Variants in SNTG2 observed in about 807,000 individuals in gnomAD.
SNTG2 encodes the protein gamma-2-syntrophin.
SNTG2 carries 74 observed loss-of-function variants against 70.9 expected under a neutral mutation model. The ratio of observed to expected loss-of-function variants is 1.04; its 90% CI spans 0.86 to 1.27. The LOEUF (loss-of-function observed/expected upper bound fraction) is 1.27. Ranked by LOEUF, SNTG2 falls within the 50% of genes most tolerant of loss-of-function variation. The probability of loss-of-function intolerance (pLI) is 0.00; values close to 1 mark genes in which losing one functional copy is unlikely to be tolerated. For synonymous variants in SNTG2, 278 were observed against 273.8 expected (o/e 1.02, Z -0.15); for missense variants, 717 against 690.7 (o/e 1.04, Z -0.43).
intron 6 of SNTG2, among the ~76,000 whole-genome samples, chr2:1,144,592 G>A (rs1248329985): frequency 5.9e-5 from 9 of 152,138 alleles, no homozygotes; most frequent in East Asian, 1.9e-4. Context: ...ACACTTCTAC[G>A]TGGCTGGGGA....
At chr2:1,271,230 C>G (rs1679003366) in intron 14 of SNTG2, among the ~76,000 whole-genome samples, 1 of 152,144 alleles carries the variant, frequency 6.6e-6, no homozygotes, top group South Asian at 2.1e-4. Flanking sequence ...CCCTGCCTCC[C>G]AAGCTGAGGT....
chr2:1,209,934 ATGTGTGTGGCTATAG>A (rs1195959856), intron 9 of SNTG2, among the ~76,000 whole-genome samples: 1 of 152,082 alleles, frequency 6.6e-6, no homozygotes, highest in East Asian at 1.9e-4. Flanking sequence ...ATCTGTGTGA[ATGTGTGTGGCTATAG>A]TGTGTGTGGT....
chr2:1,239,917 A>C, intron 11 of SNTG2, 141 bp downstream of exon 11: 2 of 1,046,218 alleles, frequency 1.9e-6, no homozygotes, highest in Non-Finnish European at 2.8e-6. Flanking sequence ...AAACATTAGC[A>C]CATTTCAGAC....
chr2:978,362 T>C (rs1384068140), intron 1 of SNTG2, among the ~76,000 whole-genome samples: 3 of 152,212 alleles, frequency 2.0e-5, no homozygotes, highest in African/African-American at 7.2e-5. Context: ...AATTAGAAAT[T>C]ATTACTTTTC....
chr2:1,115,695 C>A (rs1666916153), intron 4 of SNTG2, among the ~76,000 whole-genome samples: 1 of 117,186 alleles, frequency 8.5e-6, no homozygotes, highest in Admixed American at 9.2e-5. Context: ...ATTTACAGTC[C>A]TTTGAGAAGG....
intron 16 of SNTG2, among the ~76,000 whole-genome samples, chr2:1,333,263 A>G (rs767891862): frequency 5.3e-5 from 8 of 152,238 alleles, no homozygotes; most frequent in Middle Eastern, 3.2e-3. Flanking sequence ...AAATCCCTAC[A>G]AGGGAAACTA....
chr2:1,258,837 C>T (rs1052485170), intron 12 of SNTG2, among the ~76,000 whole-genome samples: 6 of 152,094 alleles, frequency 3.9e-5, no homozygotes, highest in Non-Finnish European at 7.4e-5. Flanking sequence ...CTCAGACCAA[C>T]GAAAAATGTA....
chr2:1,325,447 G>T (rs1306681135), intron 16 of SNTG2, among the ~76,000 whole-genome samples: 1 of 152,176 alleles, frequency 6.6e-6, no homozygotes, highest in Non-Finnish European at 1.5e-5. Flanking sequence ...AGTTATTTCA[G>T]TCCAGTATCA....
intron 14 of SNTG2, among the ~76,000 whole-genome samples, chr2:1,294,313 C>G (rs1056806198): frequency 3.9e-5 from 6 of 152,330 alleles, no homozygotes; most frequent in Admixed American, 2.6e-4. Flanking sequence ...CCCCAACCCT[C>G]AGGTCCTGGC....
intron 1 of SNTG2, among the ~76,000 whole-genome samples, chr2:1,071,642 TATA>T (rs201863206): frequency 0.12 from 3,277 of 28,234 alleles, 109 homozygotes; most frequent in African/African-American, 0.18. Context: ...AAACTTAAAG[TATA>T]ATAATAAAAA....
intron 1 of SNTG2, among the ~76,000 whole-genome samples, chr2:1,015,530 C>G (rs895162325): frequency 6.6e-6 from 1 of 152,124 alleles, no homozygotes; most frequent in Non-Finnish European, 1.5e-5. Flanking sequence ...AAAAAAATCC[C>G]GTGGTACAGA....
At chr2:1,222,421 G>A (rs1477455892) in intron 9 of SNTG2, among the ~76,000 whole-genome samples, 1 of 152,272 alleles carries the variant, frequency 6.6e-6, no homozygotes, top group Admixed American at 6.5e-5. Flanking sequence ...TAGGCTATCA[G>A]AGTTTGTGAT....
chr2:1,246,388 G>C (rs560511560), intron 11 of SNTG2, among the ~76,000 whole-genome samples: 461 of 152,218 alleles, frequency 3.0e-3, no homozygotes, highest in Middle Eastern at 6.8e-3. Flanking sequence ...AACAGGATGC[G>C]CCCATCCTGG....
At chr2:1,196,230 A>G (rs1672900568) in intron 8 of SNTG2, among the ~76,000 whole-genome samples, 2 of 152,224 alleles carry the variant, frequency 1.3e-5, no homozygotes, top group Admixed American at 1.3e-4. Flanking sequence ...GGATGATATA[A>G]AAAATACAAA....
At chr2:1,018,358 G>A (rs1659978186) in intron 1 of SNTG2, among the ~76,000 whole-genome samples, 3 of 152,122 alleles carry the variant, frequency 2.0e-5, no homozygotes, top group Non-Finnish European at 4.4e-5. Flanking sequence ...GGCCACAATC[G>A]GCATAAGCTG....
chr2:1,015,578 A>G (rs1258798991), intron 1 of SNTG2, among the ~76,000 whole-genome samples: 2 of 152,200 alleles, frequency 1.3e-5, no homozygotes, highest in African/African-American at 4.8e-5. Flanking sequence ...AAGGCCAGTA[A>G]ACGTGGATGA....
At chr2:1,264,004 G>A (rs1460194299) in intron 13 of SNTG2, among the ~76,000 whole-genome samples, 5 of 152,200 alleles carry the variant, frequency 3.3e-5, no homozygotes, top group South Asian at 2.1e-4. Context: ...CTTGAACTGC[G>A]TGGGCTCATT....
At chr2:1,191,288 T>G (rs1398232194) in intron 8 of SNTG2, among the ~76,000 whole-genome samples, 1 of 152,184 alleles carries the variant, frequency 6.6e-6, no homozygotes, top group Admixed American at 6.5e-5. Flanking sequence ...GGAATAGATT[T>G]AGTGGCAAAT....
At chr2:1,178,596 G>T (rs532909629) in intron 8 of SNTG2, among the ~76,000 whole-genome samples, 4 of 152,102 alleles carry the variant, frequency 2.6e-5, no homozygotes, top group Admixed American at 2.6e-4. Context: ...TTTATGTGAT[G>T]GATTATGTTC....
Sources: gnomAD v4.1 joint callset for allele counts (sites outside exome capture counted in the v4.1 genomes callset) on GRCh38, gnomAD v4.1.1 for gene constraint, MANE v1.5 for transcripts, NCBI Gene and HGNC (gene_info 2026-07-23, HGNC 2026-07-21) for gene names.